SCAF8: variants seen among roughly 807,000 people sequenced by gnomAD.
The protein encoded by SCAF8 is SR-related and CTD-associated factor 8.
A neutral mutation model predicts 140.5 loss-of-function variants in SCAF8; 23 were observed. The ratio of observed to expected loss-of-function variants is 0.16; its 90% CI spans 0.12 to 0.23. SCAF8 has a LOEUF of 0.23. Among genes scored for constraint, SCAF8 ranks in the 10% least tolerant of loss-of-function variants. The probability of loss-of-function intolerance (pLI) is 1.00; values close to 1 mark genes in which losing one functional copy is unlikely to be tolerated. For synonymous variants in SCAF8, 575 were observed against 528.9 expected, an observed-to-expected ratio of 1.09 and a Z score of -1.20; for missense variants, 1,397 against 1,555.7, an observed-to-expected ratio of 0.90 and a Z score of 1.72.
chr6:154,749,277 C>CT (rs1462321267), intron 1 of SCAF8, among the ~76,000 whole-genome samples: 1 of 152,116 alleles, frequency 6.6e-6, no homozygotes, highest in African/African-American at 2.4e-5. Context: ...CACAATTGTC[C>CT]TTTTTTTCAT....
chr6:154,802,959 G>A (rs931154499), intron 7 of SCAF8, among the ~76,000 whole-genome samples: 1 of 152,082 alleles, frequency 6.6e-6, no homozygotes, highest in Admixed American at 6.5e-5. Context: ...TTTAGTGTGT[G>A]ATATTCTTAG....
chr6:154,761,084 G>A (rs1228080004), intron 1 of SCAF8, among the ~76,000 whole-genome samples: 1 of 152,048 alleles, frequency 6.6e-6, no homozygotes, highest in African/African-American at 2.4e-5. Context: ...GGATTTATAG[G>A]TGTGAGCCAT....
At chr6:154,805,332 G>A in intron 8 of SCAF8, 37 bp from the exon 9 acceptor site, 2 of 1,205,684 alleles carry the variant, frequency 1.7e-6, no homozygotes, top group Non-Finnish European at 1.2e-6. Flanking sequence ...ATCTTTAGTG[G>A]GTTTTAAAAT....
chr6:154,814,487 C>A (rs1051199342), intron 12 of SCAF8, among the ~76,000 whole-genome samples: 2 of 152,162 alleles, frequency 1.3e-5, no homozygotes, highest in East Asian at 1.9e-4. Context: ...TTACACAGGT[C>A]TAGAAGATGT....
At chr6:154,825,544 A>C (rs1778540659) in intron 17 of SCAF8, among the ~76,000 whole-genome samples, 1 of 150,560 alleles carries the variant, frequency 6.6e-6, no homozygotes, top group South Asian at 2.1e-4. Context: ...GAGGTGGTAC[A>C]CACCTGTAGT....
At chr6:154,742,929 A>G (rs1395426716) in intron 1 of SCAF8, among the ~76,000 whole-genome samples, 1 of 150,642 alleles carries the variant, frequency 6.6e-6, no homozygotes, top group East Asian at 2.0e-4. Context: ...CTAATATTTA[A>G]TGAACATGTA....
At chr6:154,763,429 A>G (rs1776462513) in intron 1 of SCAF8, among the ~76,000 whole-genome samples, 1 of 152,038 alleles carries the variant, frequency 6.6e-6, no homozygotes, top group South Asian at 2.1e-4. Context: ...TTTTAGGTTC[A>G]CTCTTAAGGT....
intron 1 of SCAF8, among the ~76,000 whole-genome samples, chr6:154,743,960 A>G (rs989545985): frequency 2.0e-5 from 3 of 152,226 alleles, no homozygotes; most frequent in South Asian, 2.1e-4. Flanking sequence ...AATCTCTTAC[A>G]TATTTTTGAA....
intron 9 of SCAF8, among the ~76,000 whole-genome samples, chr6:154,807,751 A>G (rs750771757): frequency 2.0e-5 from 3 of 152,186 alleles, no homozygotes; most frequent in Non-Finnish European, 4.4e-5. Flanking sequence ...ACTGACTGCC[A>G]TTATGTATTT....
rs1778331384 is a variant in SCAF8, at chr6:154,733,842, C to G, written c.-59C>G. The G allele has an allele frequency of 4.6e-6, 7 of 1,536,398 alleles. No homozygotes were observed. Among genetic ancestry groups the G allele is most frequent in the Non-Finnish European group, 6.1e-6 (7 of 1,147,346 alleles). The stretch of plus-strand genomic sequence containing the variant: ...AGCAGCCCGCGTCTCGCTCTCCCCA[C>G]CCAGTGCAGTGGCCGCCGCCTCTTC... On this transcript the variant is annotated 5_prime_UTR_variant, in exon 1 of 20. Transcript: ENST00000367178.
intron 12 of SCAF8, 77 bp downstream of exon 12, chr6:154,810,285 C>G: frequency 9.3e-7 from 1 of 1,077,046 alleles, no homozygotes; most frequent in South Asian, 1.8e-5. Flanking sequence ...AGTCTCTCAG[C>G]CAAATTTTAT....
chr6:154,822,659 GAT>G (rs776202223), intron 16 of SCAF8, among the ~76,000 whole-genome samples: 1 of 152,138 alleles, frequency 6.6e-6, no homozygotes, highest in African/African-American at 2.4e-5. Flanking sequence ...AAACTCAGAG[GAT>G]TTTTTTAGGT....
At chr6:154,809,537 T>A (rs1367029117) in intron 11 of SCAF8, among the ~76,000 whole-genome samples, 2 of 152,198 alleles carry the variant, frequency 1.3e-5, no homozygotes, top group Admixed American at 6.5e-5. Context: ...CTAAGCATTT[T>A]GAAGAGAGCT....
At chr6:154,777,927 A>G (rs550396136) in intron 2 of SCAF8, 74 bp from the exon 3 acceptor site, 4 of 897,034 alleles carry the variant, frequency 4.5e-6, no homozygotes, top group Admixed American at 4.3e-5. Flanking sequence ...AGCATGTAAA[A>G]CCTATGGTTA....
chr6:154,824,071 A>T (rs1376615843), intron 16 of SCAF8, among the ~76,000 whole-genome samples, 163 bp from the exon 17 acceptor site: 3 of 152,158 alleles, frequency 2.0e-5, no homozygotes, highest in Admixed American at 6.5e-5. Context: ...CCTTGTTTTT[A>T]CCCTAAGTAG....
At chr6:154,749,937 A>G (rs1778798166) in intron 1 of SCAF8, among the ~76,000 whole-genome samples, 1 of 152,158 alleles carries the variant, frequency 6.6e-6, no homozygotes, top group South Asian at 2.1e-4. Context: ...AGTAATACTA[A>G]TAGGGAGAAG....
intron 5 of SCAF8, among the ~76,000 whole-genome samples, chr6:154,794,762 G>A (rs1241833667): frequency 1.2e-5 from 1 of 83,622 alleles, no homozygotes; most frequent in African/African-American, 6.2e-5. Flanking sequence ...CTTTTGGTGG[G>A]GGGGGGGGGG....
At chr6:154,768,799 A>G (rs558349722) in intron 1 of SCAF8, among the ~76,000 whole-genome samples, 73 of 152,332 alleles carry the variant, frequency 4.8e-4, no homozygotes, top group African/African-American at 1.7e-3. Context: ...GCAGTGGCTC[A>G]CGCCTGTAAT....
intron 16 of SCAF8, 64 bp downstream of exon 16, chr6:154,822,473 A>G (rs1778449758): frequency 1.4e-6 from 2 of 1,470,714 alleles, no homozygotes; most frequent in East Asian, 2.3e-5. Flanking sequence ...TTAATCATGT[A>G]TTTACTTTAT....
Sources: gnomAD v4.1 joint callset for allele counts (sites outside exome capture counted in the v4.1 genomes callset) on GRCh38, gnomAD v4.1.1 for gene constraint, MANE v1.5 for transcripts, NCBI Gene and HGNC (gene_info 2026-07-23, HGNC 2026-07-21) for gene names.